ZNF737: variants seen among roughly 807,000 people sequenced by gnomAD.
ZNF737 encodes the protein zinc finger protein 102 (Y3).
Under a neutral mutation model 11.7 loss-of-function variants are expected in ZNF737, and 13 were observed. The observed-to-expected ratio is 1.11, with a 90% confidence interval of 0.73 to 1.77. The LOEUF (loss-of-function observed/expected upper bound fraction) is 1.77. Ranked by LOEUF, ZNF737 falls within the 40% of genes most tolerant of loss-of-function variation. The pLI is 0.00. For missense variants in ZNF737, 636 were observed against 638.0 expected (o/e 1.00, Z 0.03); for synonymous variants, 217 against 216.2 (o/e 1.00, Z -0.03).
the ZNF737 span, among the ~76,000 whole-genome samples, chr19:20,530,367 C>T: frequency 1.4e-4 from 20 of 147,704 alleles, 2 homozygotes; most frequent in Non-Finnish European, 2.9e-4. Context: ...GGGCTGACCC[C>T]CCACCTCCCT....
intron 2 of ZNF737, among the ~76,000 whole-genome samples, chr19:20,553,027 A>G (rs1186236476): frequency 1.4e-5 from 2 of 143,246 alleles, no homozygotes; most frequent in African/African-American, 5.2e-5. Flanking sequence ...AAAAAAAAAA[A>G]AAAAAAGAAA....
At chr19:20,532,603 A>G (rs564733508), downstream of ZNF737, among the ~76,000 whole-genome samples, 336 of 84,312 alleles carry the variant, frequency 4.0e-3, 15 homozygotes, top group African/African-American at 0.027. Flanking sequence ...GCCACACACC[A>G]TATTACATTT....
chr19:20,533,353 T>C (rs561054948), downstream of ZNF737, among the ~76,000 whole-genome samples: 124 of 150,030 alleles, frequency 8.3e-4, 7 homozygotes, highest in Admixed American at 1.3e-3. Context: ...TACTTCCACA[T>C]TCAATGTCTT....
intron 3 of ZNF737, 65 bp from the exon 4 acceptor site, chr19:20,546,041 C>G: frequency 6.7e-7 from 1 of 1,482,514 alleles, no homozygotes; most frequent in Non-Finnish European, 9.0e-7. Context: ...CTTTACAGAT[C>G]TAACCTATAT....
At chr19:20,531,241 G>GGGGGGAC (rs1967818735), downstream of ZNF737, among the ~76,000 whole-genome samples, 1 of 81,190 alleles carries the variant, frequency 1.2e-5, no homozygotes, top group Non-Finnish European at 2.3e-5. Flanking sequence ...AGAGGGGAGA[G>GGGGGGAC]GGGAGACGGG....
At chr19:20,564,601 G>A (rs1401376052) in intron 1 of ZNF737, among the ~76,000 whole-genome samples, 15 of 150,060 alleles carry the variant, frequency 1.0e-4, no homozygotes, top group Admixed American at 2.0e-4. Context: ...GCAGTGAGCC[G>A]AGATCTGACA....
In ZNF737 at chr19:20,553,601, G is replaced by A. The variant is rs1968776100; in HGVS notation, c.130+108C>T. 11 of 1,153,476 alleles carry A rather than the reference G, an allele frequency of 9.5e-6. No individual in the cohort carries two copies. In the South Asian group the frequency reaches 1.4e-4, roughly 14 times the overall value. The allele number at this position is 1,153,476 out of a possible 1,614,324, so 71.5% of individuals were successfully genotyped here. On this transcript the variant is annotated intron_variant, in intron 2 of 3. Coordinates refer to ENST00000427401, the MANE Select transcript of ZNF737 (RefSeq NM_001159293.2). ...ATTCTGAAGATTTTCTTGAAAAAGTGGATCTGAAACTCTTTTATAAAAGAA... is the reference window on the plus strand; with the variant it reads ...ATTCTGAAGATTTTCTTGAAAAAGTAGATCTGAAACTCTTTTATAAAAGAA...
At position 20,538,971 on chromosome 19, in the gene ZNF737, G is replaced by A. The variant is rs1405269396; in HGVS notation, c.*5621C>T. On this transcript the variant is annotated 3_prime_UTR_variant, in exon 4 of 4. Transcript: ENST00000427401. ...TTAAAGCAAATCAGAGAAGAGCAAT[G>A]TGTGTACATAATGTGCATTTTCCTG... 3 of 985,262 alleles carry A rather than the reference G, an allele frequency of 3.0e-6. No individual in the cohort carries two copies. The highest frequency in any genetic ancestry group is 1.7e-5 in the African/African-American group (1 of 57,232). 61.0% of individuals were successfully genotyped at this position (985,262 alleles called of 1,614,324 possible).
chr19:20,531,699 C>T (rs1967832767), downstream of ZNF737, among the ~76,000 whole-genome samples: 1 of 149,818 alleles, frequency 6.7e-6, no homozygotes, highest in Non-Finnish European at 1.5e-5. Context: ...CTCAGGTGAT[C>T]CACCTGCCTC....
At chr19:20,565,468 G>A (rs1483785090) in intron 1 of ZNF737, among the ~76,000 whole-genome samples, 170 bp downstream of exon 1, 2 of 152,180 alleles carry the variant, frequency 1.3e-5, no homozygotes, top group African/African-American at 4.8e-5. Context: ...GGCTGTCAGC[G>A]TAGCCGCCAA....
Position 20,542,727 on chromosome 19 carries a change from T to C in ZNF737, c.*1865A>G, listed in dbSNP as rs2144600287. On this transcript the variant is annotated 3_prime_UTR_variant, in exon 4 of 4. Coordinates refer to ENST00000427401, the MANE Select transcript of ZNF737 (RefSeq NM_001159293.2). Reference sequence around the variant, plus strand: ...TCTCCACTTGTATTTTCATTATGCGTCTTACATTTTAATGTTCTTACTATT... The same window carrying C: ...TCTCCACTTGTATTTTCATTATGCGCCTTACATTTTAATGTTCTTACTATT... 1 of 984,536 alleles carries C rather than the reference T, an allele frequency of 1.0e-6. No individual in the cohort carries two copies. Among genetic ancestry groups the C allele is most frequent in the Non-Finnish European group, 1.2e-6 (1 of 829,152 alleles). The allele number at this position is 984,536 out of a possible 1,614,324, so 61.0% of individuals were successfully genotyped here. A position where few individuals can be genotyped will look rare whatever the true frequency, so the allele number is the denominator to read the frequency against.
chr19:20,534,062 G>A (rs117945741), downstream of ZNF737, among the ~76,000 whole-genome samples: 1 of 150,130 alleles, frequency 6.7e-6, no homozygotes, highest in Non-Finnish European at 1.5e-5. Context: ...TTGCTGATTG[G>A]ATTCTCCTGG....
Position 20,538,913 on chromosome 19 carries a change from G to A in ZNF737, c.*5679C>T. On this transcript the variant is annotated 3_prime_UTR_variant, in exon 4 of 4. Transcript: ENST00000427401. ...ATCTTTTGTTAATTCACTCTAAATT[G>A]AGACTACATTTACAATCTTCAGTTT... 1 of 985,184 alleles carries A rather than the reference G, an allele frequency of 1.0e-6. No individual in the cohort carries two copies. The highest frequency in any genetic ancestry group is 1.2e-6 in the Non-Finnish European group (1 of 829,744). The allele number at this position is 985,184 out of a possible 1,614,324, so 61.0% of individuals were successfully genotyped here.
chr19:20,533,095 A>G (rs1195692024), downstream of ZNF737, among the ~76,000 whole-genome samples: 3 of 150,092 alleles, frequency 2.0e-5, no homozygotes, highest in South Asian at 2.2e-4. Context: ...CTGACCCTAC[A>G]TACAACAATA....
downstream of ZNF737, among the ~76,000 whole-genome samples, chr19:20,537,511 A>ATTTTTT (rs1163609628): frequency 1.3e-3 from 99 of 77,096 alleles, 10 homozygotes; most frequent in African/African-American, 3.9e-3. Flanking sequence ...CTGGTTTTCT[A>ATTTTTT]TTTTTTTTTT....
intron 3 of ZNF737, among the ~76,000 whole-genome samples, chr19:20,546,262 G>GCT (rs1252809484): frequency 6.6e-6 from 1 of 152,174 alleles, no homozygotes; most frequent in Non-Finnish European, 1.5e-5. Context: ...ACCCAACAGA[G>GCT]CTCTTCCTGC....
chr19:20,553,713 G>A lies in ZNF737; in HGVS notation c.126C>T (p.Phe42=), dbSNP rs782414685. 5.0e-6 allele frequency: 8 copies of A among 1,613,364 alleles called. No homozygotes were observed. In the African/African-American group the frequency reaches 6.7e-5, roughly 13 times the overall value. Reference sequence around the variant, plus strand: ...ATGTATTAAAGTTTTTCTCACCAAGGAAGACCAGGTTTCTGTAGTTCTCTA... The same window carrying A: ...ATGTATTAAAGTTTTTCTCACCAAGAAAGACCAGGTTTCTGTAGTTCTCTA... The part of the protein sequence containing the change: ...VMLENYRNLV[F]LGIVVSKPDL... The change falls in exon 2 of 4, where the codon TTC becomes TTT. Residue 42 remains phenylalanine, a synonymous_variant. Coordinates refer to ENST00000427401, the MANE Select transcript of ZNF737 (RefSeq NM_001159293.2).
intron 1 of ZNF737, among the ~76,000 whole-genome samples, chr19:20,556,214 G>A (rs113436306): frequency 2.2e-4 from 34 of 151,926 alleles, no homozygotes; most frequent in African/African-American, 7.0e-4. Context: ...GGAACTTAAC[G>A]CTCATGAATG....
At chr19:20,556,911 G>A (rs1968910225) in intron 1 of ZNF737, among the ~76,000 whole-genome samples, 1 of 152,202 alleles carries the variant, frequency 6.6e-6, no homozygotes, top group African/African-American at 2.4e-5. Context: ...CACCCGGGGA[G>A]CTGGTACTAA....
Sources: gnomAD v4.1 joint callset for allele counts (sites outside exome capture counted in the v4.1 genomes callset) on GRCh38, gnomAD v4.1.1 for gene constraint, MANE v1.5 for transcripts, NCBI Gene and HGNC (gene_info 2026-07-23, HGNC 2026-07-21) for gene names.